Variants in CDH5 observed in about 807,000 individuals in gnomAD.
CDH5 encodes cadherin-5.
Under a neutral mutation model 62.0 loss-of-function variants are expected in CDH5, and 28 were observed. That is an observed-to-expected ratio of 0.45 (90% CI 0.33 to 0.62). The LOEUF is 0.62. Ranked by LOEUF, CDH5 falls within the 20% of genes least tolerant of loss-of-function variation. The probability of loss-of-function intolerance (pLI) is 0.02; values close to 1 mark genes in which losing one functional copy is unlikely to be tolerated. For synonymous variants in CDH5, 464 were observed against 445.8 expected (o/e 1.04, Z -0.52); for missense variants, 940 against 1,065.1 (o/e 0.88, Z 1.63).
Position 66,392,022 on chromosome 16 carries a change from C to T in CDH5, c.970-114C>T. The T allele has an allele frequency of 3.1e-6, 4 of 1,298,332 alleles. No homozygotes were observed. The South Asian group carries it at 4.0e-5, about 13-fold the overall frequency. 80.4% of individuals were successfully genotyped at this position (1,298,332 alleles called of 1,614,324 possible). ...TCACTTGTCGAGGCCATGGGCCCCT[C>T]ATCTATAAAATGGGTGTCATCCTGG... On this transcript the variant is annotated intron_variant, in intron 6 of 11. Coordinates refer to ENST00000341529, the MANE Select transcript of CDH5 (RefSeq NM_001795.5).
At chr16:66,375,741 T>C (rs1364162307) in intron 1 of CDH5, among the ~76,000 whole-genome samples, 1 of 151,858 alleles carries the variant, frequency 6.6e-6, no homozygotes, top group Non-Finnish European at 1.5e-5. Flanking sequence ...TTAAAAATAT[T>C]TTTCTTTCGT....
chr16:66,374,914 A>G (rs968385234), intron 1 of CDH5, among the ~76,000 whole-genome samples: 6 of 152,082 alleles, frequency 3.9e-5, no homozygotes, highest in African/African-American at 1.4e-4. Flanking sequence ...CGTCATTTAC[A>G]TTAGGTGTAT....
At chr16:66,370,763 C>T (rs1317879478) in intron 1 of CDH5, among the ~76,000 whole-genome samples, 1 of 152,222 alleles carries the variant, frequency 6.6e-6, no homozygotes, top group South Asian at 2.1e-4. Flanking sequence ...CCAGGAAACA[C>T]AGCAAAGAAG....
At position 66,403,012 on chromosome 16, in the gene CDH5, A is replaced by C. The variant is rs900821583; in HGVS notation, c.2198A>C (p.Tyr733Ser). ...PPYDTLHIYG[Y>S]EGSESIAESL... ...TACGACACGCTGCACATCTACGGCTACGAGGGCTCCGAGTCCATAGCCGAG... is the reference window on the plus strand; with the variant it reads ...TACGACACGCTGCACATCTACGGCTCCGAGGGCTCCGAGTCCATAGCCGAG... Residue 733 changes from tyrosine to serine, a missense_variant, in exon 12 of 12, where the codon TAC becomes TCC. Tyr to Ser is a moderately radical substitution (Grantham distance 144). Coordinates refer to ENST00000341529, the MANE Select transcript of CDH5 (RefSeq NM_001795.5). The surrounding 1 kb of genome is among the most constrained non-coding windows in gnomAD (Gnocchi z 4.3). The C allele has an allele frequency of 4.3e-6, 7 of 1,613,246 alleles. No individual in the cohort carries two copies. Among genetic ancestry groups the C allele is most frequent in the South Asian group, 2.2e-5 (2 of 90,980 alleles).
At chr16:66,392,063 TTGCTG>T in intron 6 of CDH5, 68 bp from the exon 7 acceptor site, 1 of 1,580,182 alleles carries the variant, frequency 6.3e-7, no homozygotes, top group Non-Finnish European at 8.7e-7. Context: ...CCTTGCATAG[TTGCTG>T]TGCAGATCAT....
rs576379817 is a variant in CDH5 at position 66,380,874 on chromosome 16, G to C, written c.210+1327G>C. Among the ~76,000 whole-genome samples, 5 of 152,028 alleles carry C rather than the reference G, an allele frequency of 3.3e-5. No homozygotes were observed. In the East Asian group the frequency reaches 9.7e-4, roughly 29 times the overall value. On this transcript the variant is annotated intron_variant, in intron 2 of 11. Transcript: ENST00000341529. Reference sequence around the variant, plus strand: ...TGATGAAAGATAAGTGTTGATAGTGGTGATAATGGAGGTGATGATGATGGT... The same window carrying C: ...TGATGAAAGATAAGTGTTGATAGTGCTGATAATGGAGGTGATGATGATGGT...
intron 8 of CDH5, among the ~76,000 whole-genome samples, chr16:66,396,452 A>G (rs1045082136): frequency 1.3e-5 from 2 of 152,204 alleles, no homozygotes; most frequent in Non-Finnish European, 2.9e-5. Context: ...TGCATGTCAC[A>G]GTTTGAAAAC....
At position 66,379,538 on chromosome 16, in the gene CDH5, T is replaced by C. The variant is rs537601826; in HGVS notation, c.201T>C (p.His67=). 70 of 1,614,126 alleles carry C rather than the reference T, an allele frequency of 4.3e-5. No homozygotes were observed. Among genetic ancestry groups the C allele is most frequent in the Non-Finnish European group, 5.8e-5 (68 of 1,179,980 alleles). ...DEEKNTSLPH[H]VGKIKSSVSR... is the part of the protein sequence containing the mutation. The stretch of plus-strand genomic sequence containing the variant: ...AGAAAAACACCTCACTTCCCCATCA[T>C]GTAGGCAAGGTAAGGCTCAAGCCCC... The change falls in exon 2 of 12, where the codon CAT becomes CAC. Residue 67 remains histidine, a synonymous_variant. Transcript: ENST00000341529.
chr16:66,386,892 G>C lies in CDH5; in HGVS notation c.294G>C (p.Glu98Asp), dbSNP rs755609363. Residue 98 changes from glutamate to aspartate, a missense_variant, in exon 3 of 12, where the codon GAG becomes GAC. By Grantham distance (45) the Glu-to-Asp change is conservative. Transcript: ENST00000341529. ...YVGKVFRVDA[E>D]TGDVFAIERL... ...GCAAGGTCTTCCGGGTCGATGCAGA[G>C]ACAGGAGACGTGTTCGCCATTGAGA... The C allele has an allele frequency of 1.9e-6, 3 of 1,614,206 alleles. No individual in the cohort carries two copies. The Admixed American group carries it at 5.0e-5, about 27-fold the overall frequency.
At chr16:66,374,693 T>TC (rs1173226847) in intron 1 of CDH5, among the ~76,000 whole-genome samples, 1 of 145,856 alleles carries the variant, frequency 6.9e-6, no homozygotes, top group East Asian at 2.0e-4. Context: ...CCGTGCATCT[T>TC]TTTTTTTTTT....
At chr16:66,375,107 G>A (rs773637169) in intron 1 of CDH5, among the ~76,000 whole-genome samples, 8 of 152,166 alleles carry the variant, frequency 5.3e-5, no homozygotes, top group Non-Finnish European at 1.0e-4. Context: ...CACCTAGGCT[G>A]TACGGTACAG....
intron 3 of CDH5, 101 bp from the exon 4 acceptor site, chr16:66,388,223 T>G: frequency 1.4e-6 from 1 of 726,052 alleles, no homozygotes; most frequent in Non-Finnish European, 2.4e-6. Context: ...CTGGGGGAGG[T>G]GGGGACAGAG....
chr16:66,390,261 G>A (rs1961058754), intron 5 of CDH5, 142 bp from the exon 6 acceptor site: 1 of 635,108 alleles, frequency 1.6e-6, no homozygotes, highest in Non-Finnish European at 2.6e-6. Flanking sequence ...TCTTTACCTT[G>A]AGAATCCCAG....
intron 3 of CDH5, 55 bp from the exon 4 acceptor site, chr16:66,388,269 G>C: frequency 9.2e-7 from 1 of 1,082,998 alleles, no homozygotes; most frequent in South Asian, 1.3e-5. Context: ...TTCCAGGAAT[G>C]GGGTAAGGGG....
intron 7 of CDH5, among the ~76,000 whole-genome samples, chr16:66,393,157 T>C (rs376789484): frequency 6.6e-6 from 1 of 152,246 alleles, no homozygotes; most frequent in African/African-American, 2.4e-5. Flanking sequence ...ATAGCTGATT[T>C]TGCCAGCACC....
At chr16:66,401,967 C>T (rs1961290829) in intron 11 of CDH5, among the ~76,000 whole-genome samples, 1 of 152,174 alleles carries the variant, frequency 6.6e-6, no homozygotes, top group East Asian at 1.9e-4. Flanking sequence ...AGAGTGGCCT[C>T]GGTATGCCCG....
chr16:66,401,500 AT>A (rs1236954329), intron 11 of CDH5, among the ~76,000 whole-genome samples: 3 of 151,776 alleles, frequency 2.0e-5, no homozygotes, highest in Non-Finnish European at 4.4e-5. Context: ...CTTGATACAT[AT>A]TTTTTTTCTT....
Position 66,379,420 on chromosome 16 carries a change from C to T in CDH5, c.83C>T (p.Ala28Val). The T allele has an allele frequency of 6.2e-7, 1 of 1,614,196 alleles. No individual in the cohort carries two copies. The highest frequency in any genetic ancestry group is 8.5e-7 in the Non-Finnish European group (1 of 1,180,042). Residue 28 changes from alanine to valine, a missense_variant, in exon 2 of 12, where the codon GCT (alanine) becomes GTT (valine). Ala to Val is a moderately conservative substitution (Grantham distance 64). Coordinates refer to ENST00000341529, the MANE Select transcript of CDH5 (RefSeq NM_001795.5). ...LAVAAVAAAG[A>V]NPAQRDTHSL... ...GTGGCAGCAGTGGCAGCAGCAGGTG[C>T]TAACCCTGCCCAACGGGACACCCAC...
chr16:66,386,682 C>T (rs982200567), intron 2 of CDH5, 127 bp from the exon 3 acceptor site: 3 of 774,552 alleles, frequency 3.9e-6, no homozygotes, highest in Non-Finnish European at 4.1e-6. Context: ...TTTAGGGACC[C>T]TGGCCAGCAC....
Sources: gnomAD v4.1 joint callset for allele counts (sites outside exome capture counted in the v4.1 genomes callset) on GRCh38, gnomAD v4.1.1 for gene constraint, Gnocchi (gnomAD v3.1) non-coding constraint, MANE v1.5 for transcripts, NCBI Gene and HGNC (gene_info 2026-07-23, HGNC 2026-07-21) for gene names.